MCF2L: variants seen among roughly 807,000 people sequenced by gnomAD.
MCF2L encodes the protein guanine nucleotide exchange factor DBS.
Under a neutral mutation model 153.4 loss-of-function variants are expected in MCF2L, and 97 were observed. The observed-to-expected ratio is 0.63, with a 90% CI of 0.54 to 0.75. The LOEUF is 0.75. Among genes scored for constraint, MCF2L ranks in the 30% least tolerant of loss-of-function variants. The pLI, the probability that MCF2L is intolerant of heterozygous loss-of-function variation, is 0.00. For missense variants in MCF2L, 1,347 were observed against 1,495.2 expected (o/e 0.90, Z 1.64); for synonymous variants, 659 against 632.2 (o/e 1.04, Z -0.64).
chr13:112,962,209 T>G (rs61963562), intron 2 of MCF2L, among the ~76,000 whole-genome samples: 98,447 of 150,718 alleles, frequency 0.65, 32,405 homozygotes, highest in Non-Finnish European at 0.71. Context: ...GCTCACACAC[T>G]TGCACACAGT....
rs1183153813 is a variant in MCF2L at position 112,993,075 on chromosome 13, C to G, written c.80-21688C>G. Among the ~76,000 whole-genome samples, 1 of 152,328 alleles carries G rather than the reference C, an allele frequency of 6.6e-6. No individual in the cohort carries two copies. The highest frequency in any genetic ancestry group is 2.1e-4 in the South Asian group (1 of 4,828). On this transcript the variant is annotated intron_variant, in intron 1 of 29. Transcript: ENST00000535094. This position sits in a 1 kb window ranked among gnomAD's most constrained non-coding sequence, Gnocchi z 4.6. ...GCGGCTCGCTGCCTTGAGAAGCTCC[C>G]GCTTCTGCAGTAAGGTGGCTTTTAA...
At chr13:112,966,972 AG>A (rs1438387001), upstream of MCF2L, among the ~76,000 whole-genome samples, 2 of 152,164 alleles carry the variant, frequency 1.3e-5, no homozygotes, top group Non-Finnish European at 2.9e-5. This position sits in a 1 kb window ranked among gnomAD's most constrained non-coding sequence, Gnocchi z 4.1. Flanking sequence ...ACGCAGCCCA[AG>A]GCTGGGCAGG....
chr13:112,988,259 C>T (rs1230656960), intron 1 of MCF2L, among the ~76,000 whole-genome samples: 1 of 151,840 alleles, frequency 6.6e-6, no homozygotes, highest in Non-Finnish European at 1.5e-5. Flanking sequence ...TTTAATTCTA[C>T]ATGGTGAGCC....
chr13:113,026,943 C>T (rs2085349666), intron 3 of MCF2L: 2 of 776,986 alleles, frequency 2.6e-6, no homozygotes, highest in African/African-American at 1.7e-5. Flanking sequence ...GGTCTCTCAT[C>T]TGATGTGCTC....
intron 2 of MCF2L, among the ~76,000 whole-genome samples, chr13:112,942,822 C>A (rs1261294909): frequency 6.6e-6 from 1 of 152,166 alleles, no homozygotes; most frequent in Non-Finnish European, 1.5e-5. Context: ...ACTTAACATT[C>A]TCTCCACCCA....
In MCF2L at chr13:112,905,279, T is replaced by C. The variant is rs553742679; in HGVS notation, c.169+2908T>C. Among the ~76,000 whole-genome samples, 12 of 152,276 alleles carry C rather than the reference T, an allele frequency of 7.9e-5. No homozygotes were observed. In the South Asian group the frequency reaches 1.9e-3, roughly 24 times the overall value. On this transcript the variant is annotated intron_variant, in intron 2 of 29. Coordinates refer to the MCF2L transcript ENST00000375608. ...TCCCTGCTACTGTGTCCAGTCCCCA[T>C]TGGCTGGAGTCAGACTACACAATCT... is the stretch of plus-strand genomic sequence containing the variant.
At chr13:113,036,101 C>G (rs1335495401) in intron 3 of MCF2L, among the ~76,000 whole-genome samples, 1 of 152,140 alleles carries the variant, frequency 6.6e-6, no homozygotes, top group African/African-American at 2.4e-5. Context: ...AGACAACACT[C>G]GTGTCTATAA....
At chr13:113,086,380 T>G (rs1260816614) in intron 21 of MCF2L, 131 bp downstream of exon 21, 1 of 1,367,626 alleles carries the variant, frequency 7.3e-7, no homozygotes, top group Non-Finnish European at 9.8e-7. Flanking sequence ...AGGTCTGGGG[T>G]GGTCCCTAGA....
chr13:112,954,127 A>G (rs2140723201), intron 2 of MCF2L, among the ~76,000 whole-genome samples: 1 of 152,240 alleles, frequency 6.6e-6, no homozygotes, highest in South Asian at 2.1e-4. Context: ...CTTGCTATGC[A>G]CTTGTCTTGT....
chr13:113,012,176 G>A lies in MCF2L; in HGVS notation c.80-2587G>A, dbSNP rs1287197729. Among the ~76,000 whole-genome samples, 13 of 99,568 alleles carry A rather than the reference G, an allele frequency of 1.3e-4. 1 individual carries two copies. Among genetic ancestry groups the A allele is most frequent in the Non-Finnish European group, 2.7e-4 (12 of 45,282 alleles). 65.3% of individuals were successfully genotyped at this position (99,568 alleles called of 152,430 possible). On this transcript the variant is annotated intron_variant, in intron 1 of 29. Coordinates refer to ENST00000535094, the MANE Select transcript of MCF2L (RefSeq NM_001112732.3). ...ACACTGTGATGCGGACGGTGGACAGGCAGTGTGGATGGTGGACAGGCGGTG... is the reference window on the plus strand; with the variant it reads ...ACACTGTGATGCGGACGGTGGACAGACAGTGTGGATGGTGGACAGGCGGTG...
At chr13:113,018,325 C>T (rs1380057422) in intron 2 of MCF2L, among the ~76,000 whole-genome samples, 2 of 152,182 alleles carry the variant, frequency 1.3e-5, no homozygotes, top group African/African-American at 4.8e-5. Context: ...GACATCTGCC[C>T]CAAAAGCGCT....
chr13:113,078,860 G>C, intron 15 of MCF2L, 121 bp downstream of exon 15: 1 of 958,674 alleles, frequency 1.0e-6, no homozygotes, highest in Non-Finnish European at 1.5e-6. Context: ...AGTCATTGTG[G>C]TTCTTACTTT....
At chr13:113,050,220 C>T (rs574353712) in intron 4 of MCF2L, among the ~76,000 whole-genome samples, 1 of 146,952 alleles carries the variant, frequency 6.8e-6, no homozygotes, top group East Asian at 2.0e-4. Context: ...GAATGTGAGA[C>T]TGTGTGAGTG....
In MCF2L at chr13:113,081,209, C is replaced by T; in HGVS notation, c.1809-4C>T. ...TTTTTGCTCTCCACATGACCTGCCA[C>T]CAGGCACGTGATGAGCGAGCTCCTG... is the stretch of plus-strand genomic sequence containing the variant. On this transcript the variant is annotated splice_polypyrimidine_tract_variant and splice_region_variant and intron_variant, in intron 15 of 29. Coordinates refer to ENST00000535094, the MANE Select transcript of MCF2L (RefSeq NM_001112732.3). 6.3e-7 allele frequency: 1 copy of T among 1,580,428 alleles called. No individual in the cohort carries two copies. The highest frequency in any genetic ancestry group is 8.6e-7 in the Non-Finnish European group (1 of 1,163,418).
intron 4 of MCF2L, among the ~76,000 whole-genome samples, chr13:113,057,087 T>A (rs1180402080): frequency 6.9e-6 from 1 of 144,454 alleles, no homozygotes; most frequent in Non-Finnish European, 1.5e-5. Context: ...GTTTTGGTGC[T>A]GAGTGTTTGG....
chr13:113,002,089 G>A, intron 1 of MCF2L: 2 of 1,319,670 alleles, frequency 1.5e-6, no homozygotes, highest in Non-Finnish European at 2.0e-6. Flanking sequence ...CCTGTCCTCA[G>A]AGGCTGCTGG....
intron 2 of MCF2L, among the ~76,000 whole-genome samples, chr13:113,018,999 A>G (rs2084710453): frequency 6.6e-6 from 1 of 152,212 alleles, no homozygotes; most frequent in South Asian, 2.1e-4. Flanking sequence ...GAGACAGGGC[A>G]GACTTAGGAG....
intron 3 of MCF2L, among the ~76,000 whole-genome samples, chr13:113,039,771 A>G (rs1202329668): frequency 2.0e-5 from 3 of 152,252 alleles, no homozygotes; most frequent in Non-Finnish European, 4.4e-5. Flanking sequence ...AAGAGTGGCT[A>G]AAATTCTACT....
intron 2 of MCF2L, among the ~76,000 whole-genome samples, chr13:112,949,911 AAAAT>A (rs1374076791): frequency 6.6e-6 from 1 of 152,150 alleles, no homozygotes; most frequent in East Asian, 1.9e-4. Flanking sequence ...TAAATCAAGA[AAAAT>A]AAAAGGCATA....
Sources: gnomAD v4.1 joint callset for allele counts (sites outside exome capture counted in the v4.1 genomes callset) on GRCh38, gnomAD v4.1.1 for gene constraint, Gnocchi (gnomAD v3.1) non-coding constraint, MANE v1.5 for transcripts, NCBI Gene and HGNC (gene_info 2026-07-23, HGNC 2026-07-21) for gene names.